The following ST6GALNAC3 variants were observed in gnomAD, a reference collection of about 807,000 sequenced individuals.
ST6GALNAC3 encodes alpha-N-acetylgalactosaminide alpha-2,6-sialyltransferase 3.
A neutral mutation model predicts 32.7 loss-of-function variants in ST6GALNAC3; 25 were observed. The ratio of observed to expected loss-of-function variants is 0.76; its 90% CI spans 0.56 to 1.07. The LOEUF (loss-of-function observed/expected upper bound fraction) is 1.07. Ranked by LOEUF, ST6GALNAC3 falls within the 50% of genes least tolerant of loss-of-function variation. ST6GALNAC3 has a pLI of 0.00. For missense variants in ST6GALNAC3, 355 were observed against 382.4 expected, an observed-to-expected ratio of 0.93 and a Z score of 0.60; for synonymous variants, 129 against 133.1, an observed-to-expected ratio of 0.97 and a Z score of 0.21.
intron 1 of ST6GALNAC3, among the ~76,000 whole-genome samples, chr1:76,078,329 G>A (rs980668768): frequency 2.0e-5 from 3 of 152,148 alleles, no homozygotes; most frequent in African/African-American, 7.2e-5. Context: ...CCATGCTGTG[G>A]CAGCTAATTT....
intron 1 of ST6GALNAC3, among the ~76,000 whole-genome samples, chr1:76,174,541 A>G (rs1243427285): frequency 6.6e-6 from 1 of 151,672 alleles, no homozygotes. Context: ...AATTATATCT[A>G]CCTACCTATC....
intron 2 of ST6GALNAC3, among the ~76,000 whole-genome samples, chr1:76,349,705 C>T (rs1465756598): frequency 6.6e-6 from 1 of 152,128 alleles, no homozygotes; most frequent in Non-Finnish European, 1.5e-5. Context: ...TTTATTGACT[C>T]CTCTCTATAA....
chr1:76,528,233 G>T (rs536932820), intron 3 of ST6GALNAC3, among the ~76,000 whole-genome samples: 1 of 152,256 alleles, frequency 6.6e-6, no homozygotes, highest in East Asian at 1.9e-4. Context: ...CCCTGGCACT[G>T]GGCTAAGCCT....
intron 1 of ST6GALNAC3, among the ~76,000 whole-genome samples, chr1:76,264,418 C>T (rs992293994): frequency 1.3e-5 from 2 of 152,166 alleles, no homozygotes; most frequent in Non-Finnish European, 2.9e-5. Flanking sequence ...AGCACGTCTG[C>T]CATATGCACT....
intron 1 of ST6GALNAC3, among the ~76,000 whole-genome samples, chr1:76,246,247 CT>C (rs955487237): frequency 1.3e-5 from 2 of 151,840 alleles, no homozygotes; most frequent in Non-Finnish European, 2.9e-5. Context: ...TTTTTTTGGG[CT>C]TTCCATTTGC....
intron 2 of ST6GALNAC3, among the ~76,000 whole-genome samples, chr1:76,361,882 G>A (rs778416692): frequency 2.0e-5 from 3 of 151,572 alleles, no homozygotes; most frequent in Non-Finnish European, 2.9e-5. Flanking sequence ...GGAGGCTGAA[G>A]CAGGAGAATC....
intron 1 of ST6GALNAC3, among the ~76,000 whole-genome samples, chr1:76,270,396 A>G (rs1658770833): frequency 6.6e-6 from 1 of 150,814 alleles, no homozygotes; most frequent in African/African-American, 2.4e-5. Context: ...AATCCCAGCT[A>G]CTCAGGACGC....
chr1:76,304,353 C>G (rs1660909499), intron 1 of ST6GALNAC3, among the ~76,000 whole-genome samples: 1 of 152,064 alleles, frequency 6.6e-6, no homozygotes, highest in Non-Finnish European at 1.5e-5. Flanking sequence ...CACTCTCCCT[C>G]TTCCCTCTTT....
chr1:76,113,991 ATTTTT>A lies in ST6GALNAC3; in HGVS notation c.18+39125_18+39129del, dbSNP rs754290749. Among the ~76,000 whole-genome samples, 756 of 125,156 alleles carry A rather than the reference ATTTTT, an allele frequency of 6.0e-3. 8 individuals carry two copies. The highest frequency in any genetic ancestry group is 0.023 in the African/African-American group (717 of 31,152). The allele number at this position is 125,156 out of a possible 152,430, so 82.1% of individuals were successfully genotyped here. ...AGGCGCCTGCCACCACGCCCGGCTA[ATTTTT>A]TTTTTTTTTTTTTTTTTGGTATTTT... On this transcript the variant is annotated intron_variant, in intron 1 of 4. Transcript: ENST00000328299.
intron 1 of ST6GALNAC3, among the ~76,000 whole-genome samples, chr1:76,218,526 A>G (rs1211524738): frequency 6.6e-6 from 1 of 152,234 alleles, no homozygotes; most frequent in Non-Finnish European, 1.5e-5. Context: ...AAACAATGCA[A>G]CATGTGCATA....
chr1:76,364,023 C>T (rs557775566), intron 2 of ST6GALNAC3, among the ~76,000 whole-genome samples: 1 of 152,166 alleles, frequency 6.6e-6, no homozygotes, highest in African/African-American at 2.4e-5. Context: ...AGACCCAAAG[C>T]ACCTTAGCTT....
chr1:76,589,830 T>C (rs1647019895), intron 3 of ST6GALNAC3, among the ~76,000 whole-genome samples: 1 of 151,934 alleles, frequency 6.6e-6, no homozygotes, highest in African/African-American at 2.4e-5. Flanking sequence ...TCTTCCTTGA[T>C]ACCCAGCACC....
chr1:76,434,784 G>GTTTTTTTTTTTTTTTT (rs1211703628), intron 3 of ST6GALNAC3, among the ~76,000 whole-genome samples: 11 of 72,206 alleles, frequency 1.5e-4, no homozygotes, highest in African/African-American at 2.3e-4. Context: ...TTTTTTCTCT[G>GTTTTTTTTTTTTTTTT]TTTTTTTTTT....
At chr1:76,150,306 C>T (rs556846656) in intron 1 of ST6GALNAC3, among the ~76,000 whole-genome samples, 6 of 152,266 alleles carry the variant, frequency 3.9e-5, no homozygotes, top group South Asian at 2.1e-4. Context: ...CTTCAACTTT[C>T]CTCTTTAACC....
chr1:76,250,503 T>C (rs923240640), intron 1 of ST6GALNAC3, among the ~76,000 whole-genome samples: 1 of 152,170 alleles, frequency 6.6e-6, no homozygotes, highest in African/African-American at 2.4e-5. Flanking sequence ...TTGGAAGCGT[T>C]AATCCATGGA....
intron 1 of ST6GALNAC3, chr1:76,305,949 GTTAA>G: frequency 1.9e-6 from 1 of 517,472 alleles, no homozygotes; most frequent in South Asian, 1.4e-5. Flanking sequence ...TAACTAAGTT[GTTAA>G]TTGTTATTCA....
intron 2 of ST6GALNAC3, among the ~76,000 whole-genome samples, chr1:76,401,529 G>A (rs901534997): frequency 2.0e-5 from 3 of 152,064 alleles, no homozygotes; most frequent in African/African-American, 7.2e-5. Flanking sequence ...CTTTAATGGT[G>A]GTTTGTTTCT....
At chr1:76,164,882 A>T (rs1652026173) in intron 1 of ST6GALNAC3, among the ~76,000 whole-genome samples, 1 of 152,240 alleles carries the variant, frequency 6.6e-6, no homozygotes, top group African/African-American at 2.4e-5. Flanking sequence ...TTTCTAAAAA[A>T]AATGCAGATA....
intron 1 of ST6GALNAC3, among the ~76,000 whole-genome samples, chr1:76,288,654 C>A (rs1463786966): frequency 6.6e-6 from 1 of 152,144 alleles, no homozygotes; most frequent in Non-Finnish European, 1.5e-5. Context: ...AAGAAGAGGG[C>A]AGGATGTGTG....
Sources: gnomAD v4.1 joint callset for allele counts (sites outside exome capture counted in the v4.1 genomes callset) on GRCh38, gnomAD v4.1.1 for gene constraint, MANE v1.5 for transcripts, NCBI Gene and HGNC (gene_info 2026-07-23, HGNC 2026-07-21) for gene names.